NFAM1: variants seen among roughly 807,000 people sequenced by gnomAD.
NFAM1 encodes the protein NFAT activating protein with ITAM motif 1.
NFAM1 carries 17 observed loss-of-function variants against 29.0 expected under a neutral mutation model. The ratio of observed to expected loss-of-function variants is 0.59; its 90% CI spans 0.40 to 0.88. The LOEUF (loss-of-function observed/expected upper bound fraction) is 0.88, where lower values mean the gene tolerates loss of function less well. Among genes scored for constraint, NFAM1 ranks in the 40% least tolerant of loss-of-function variants. NFAM1 has a pLI of 0.00. For missense variants in NFAM1, 324 were observed against 344.6 expected (o/e 0.94, Z 0.47); for synonymous variants, 175 against 147.2 (o/e 1.19, Z -1.36).
chr22:42,424,271 C>T lies in NFAM1; in HGVS notation c.121+7966G>A, dbSNP rs1030605878. Among the ~76,000 whole-genome samples, 5 of 152,030 alleles carry T rather than the reference C, an allele frequency of 3.3e-5. No individual in the cohort carries two copies. In the South Asian group the frequency reaches 6.2e-4, roughly 19 times the overall value. On this transcript the variant is annotated intron_variant, in intron 1 of 5. Transcript: ENST00000329021. The stretch of plus-strand genomic sequence containing the variant: ...TTTACTAAAAATACAAAAAATTAGA[C>T]GAGCATGGTGGCAGGCGCCTGTAGT...
chr22:42,391,610 G>A (rs1004950104), intron 4 of NFAM1, among the ~76,000 whole-genome samples: 4 of 152,198 alleles, frequency 2.6e-5, no homozygotes, highest in Admixed American at 6.5e-5. Context: ...ATGGAGCAGC[G>A]ATGAGGAGAC....
At position 42,419,835 on chromosome 22, in the gene NFAM1, C is replaced by T. The variant is rs539812947; in HGVS notation, c.122-8099G>A. Reference sequence around the variant, plus strand: ...CAGACTCTCAGGCGTCACTGTTAAGCCATGTGATCAGAAGAGCCAATGTCC... The same window carrying T: ...CAGACTCTCAGGCGTCACTGTTAAGTCATGTGATCAGAAGAGCCAATGTCC... On this transcript the variant is annotated intron_variant, in intron 1 of 5. Coordinates refer to ENST00000329021, the MANE Select transcript of NFAM1 (RefSeq NM_145912.8). This position sits in a 1 kb window ranked among gnomAD's most constrained non-coding sequence, Gnocchi z 4.5. 2.0e-5 allele frequency among the ~76,000 whole-genome samples: 3 copies of T among 152,230 alleles called. No individual in the cohort carries two copies. Among genetic ancestry groups the T allele is most frequent in the African/African-American group, 7.2e-5 (3 of 41,540 alleles).
intron 1 of NFAM1, among the ~76,000 whole-genome samples, chr22:42,421,608 G>A (rs1296556334): frequency 6.6e-6 from 1 of 152,096 alleles, no homozygotes; most frequent in Non-Finnish European, 1.5e-5. Context: ...CAGGGCTTTG[G>A]TCCCGGCTCC....
At chr22:42,425,974 A>G (rs938114950) in intron 1 of NFAM1, among the ~76,000 whole-genome samples, 20 of 151,962 alleles carry the variant, frequency 1.3e-4, no homozygotes, top group Non-Finnish European at 2.2e-4. Flanking sequence ...ACTACAGAAG[A>G]GCCTATGAGT....
intron 5 of NFAM1, among the ~76,000 whole-genome samples, chr22:42,385,569 A>T (rs1438050804): frequency 6.6e-6 from 1 of 151,996 alleles, no homozygotes; most frequent in Admixed American, 6.5e-5. Flanking sequence ...CGGGCTCATC[A>T]TAGGGTCCCA....
chr22:42,403,488 T>G (rs1158302373), intron 3 of NFAM1, among the ~76,000 whole-genome samples: 1 of 152,182 alleles, frequency 6.6e-6, no homozygotes, highest in Non-Finnish European at 1.5e-5. Context: ...CTCGGCTAAT[T>G]TGTATTTTTA....
At chr22:42,415,693 G>C (rs1432387057) in intron 1 of NFAM1, among the ~76,000 whole-genome samples, 1 of 152,218 alleles carries the variant, frequency 6.6e-6, no homozygotes, top group African/African-American at 2.4e-5. Context: ...GCCTCCCAGA[G>C]GCCCCTTCAG....
At chr22:42,393,047 A>G (rs1929397273) in intron 4 of NFAM1, among the ~76,000 whole-genome samples, 1 of 151,938 alleles carries the variant, frequency 6.6e-6, no homozygotes, top group African/African-American at 2.4e-5. Context: ...TGACTCACCC[A>G]CCTCAGCCTC....
At chr22:42,433,799 TCA>T (rs1258864686), upstream of NFAM1, among the ~76,000 whole-genome samples, 2 of 152,184 alleles carry the variant, frequency 1.3e-5, no homozygotes, top group Admixed American at 6.5e-5. Flanking sequence ...CTCACATATG[TCA>T]CAGTGAGATG....
chr22:42,424,068 T>C (rs972680023), intron 1 of NFAM1, among the ~76,000 whole-genome samples: 1 of 151,884 alleles, frequency 6.6e-6, no homozygotes, highest in African/African-American at 2.4e-5. Context: ...CCCAAAGTGC[T>C]GGGATTACAG....
At chr22:42,411,318 C>T in intron 2 of NFAM1, 89 bp downstream of exon 2, 1 of 1,043,888 alleles carries the variant, frequency 9.6e-7, no homozygotes, top group Non-Finnish European at 1.4e-6. Context: ...TGCGCCTGGC[C>T]CCATTCTCTA....
intron 4 of NFAM1, among the ~76,000 whole-genome samples, chr22:42,397,019 A>G (rs1270682410): frequency 6.7e-6 from 1 of 149,660 alleles, no homozygotes; most frequent in Non-Finnish European, 1.5e-5. Context: ...TGGAGTGGGG[A>G]GCCCACCTGG....
chr22:42,396,140 T>C (rs1929517800), intron 4 of NFAM1, among the ~76,000 whole-genome samples: 1 of 152,174 alleles, frequency 6.6e-6, no homozygotes, highest in Non-Finnish European at 1.5e-5. Flanking sequence ...CTATGACCTC[T>C]ACTCTCCAAG....
At chr22:42,406,148 C>T (rs571277483) in intron 3 of NFAM1, among the ~76,000 whole-genome samples, 192 of 34,164 alleles carry the variant, frequency 5.6e-3, no homozygotes, top group African/African-American at 0.013. Context: ...ACCTGCGGGG[C>T]AGGCGCAGAT....
At chr22:42,420,383 G>T (rs534080828) in intron 1 of NFAM1, among the ~76,000 whole-genome samples, 1 of 151,976 alleles carries the variant, frequency 6.6e-6, no homozygotes, top group East Asian at 1.9e-4. Flanking sequence ...GAGGCAGGAG[G>T]ATCACCTGAG....
chr22:42,418,991 G>A (rs985712071), intron 1 of NFAM1, among the ~76,000 whole-genome samples: 3 of 152,168 alleles, frequency 2.0e-5, no homozygotes. Context: ...ACGGGTGCCT[G>A]AGTCCTTCCT....
chr22:42,427,450 T>C lies in NFAM1; in HGVS notation c.121+4787A>G, dbSNP rs539654214. ...ACCCTGCTCAGAGCTTAATTCATCC[T>C]TGATTGTCACCATTTCCTGAGCATC... On this transcript the variant is annotated intron_variant, in intron 1 of 5. Coordinates refer to ENST00000329021, the MANE Select transcript of NFAM1 (RefSeq NM_145912.8). Among the ~76,000 whole-genome samples the C allele has an allele frequency of 3.2e-4, 49 of 152,336 alleles. 1 individual carries two copies. Among genetic ancestry groups the C allele is most frequent in the African/African-American group, 1.1e-3 (46 of 41,570 alleles).
rs747327402 is a variant in NFAM1 at position 42,432,264 on chromosome 22, G to A, written c.94C>T (p.Leu32=). The A allele has an allele frequency of 1.4e-5, 22 of 1,573,014 alleles. No individual in the cohort carries two copies. In the African/African-American group the frequency reaches 2.7e-4, roughly 19 times the overall value. ...GCCAGTCGCAGGGTCCCGGGCAGCAGCAGCACGCCAAGGAGGAGCCAGGGG... is the reference window on the plus strand; with the variant it reads ...GCCAGTCGCAGGGTCCCGGGCAGCAACAGCACGCCAAGGAGGAGCCAGGGG... ...AAPWLLLGVL[L]LPGTLRLAGG... The change falls in exon 1 of 6, where the codon CTG becomes TTG. Residue 32 remains leucine, a synonymous_variant. Transcript: ENST00000329021.
At chr22:42,413,678 TAAG>T (rs972746651) in intron 1 of NFAM1, among the ~76,000 whole-genome samples, 14 of 151,992 alleles carry the variant, frequency 9.2e-5, no homozygotes, top group Admixed American at 2.0e-4. Context: ...TCCTGTCACA[TAAG>T]AAGGCAAGGC....
Sources: allele counts gnomAD v4.1 joint callset (sites outside exome capture counted in the v4.1 genomes callset), GRCh38; gene constraint gnomAD v4.1.1; non-coding constraint Gnocchi (gnomAD v3.1); transcripts MANE v1.5; gene names NCBI Gene and HGNC (gene_info 2026-07-23, HGNC 2026-07-21).